Variants in NPSR1 observed in about 807,000 individuals in gnomAD.
NPSR1 encodes neuropeptide S receptor.
In NPSR1, 48 loss-of-function variants were observed where a neutral mutation model predicts 46.9. The observed-to-expected ratio is 1.02, with a 90% CI of 0.81 to 1.30. The LOEUF is 1.30. NPSR1 is among the 50% of genes most tolerant of loss of function. The pLI is 0.00. For synonymous variants in NPSR1, 176 were observed against 168.1 expected (o/e 1.05, Z -0.36); for missense variants, 450 against 449.5 (o/e 1.00, Z -0.01).
intron 3 of NPSR1, among the ~76,000 whole-genome samples, chr7:34,790,670 GT>G (rs888037256): frequency 8.8e-6 from 1 of 113,294 alleles, no homozygotes; most frequent in African/African-American, 3.2e-5. Context: ...ATAAATATAT[GT>G]TATATGTTCT....
intron 5 of NPSR1, 80 bp from the exon 6 acceptor site, chr7:34,834,304 G>A (rs1163768515): frequency 8.1e-6 from 8 of 989,466 alleles, no homozygotes; most frequent in African/African-American, 1.6e-5. Flanking sequence ...TGCACTCGGG[G>A]AGGTGGGAGT....
chr7:34,686,249 TTTTTA>T (rs1355311007), intron 2 of NPSR1: 3 of 152,238 alleles, frequency 2.0e-5, no homozygotes, highest in Admixed American at 1.3e-4. Flanking sequence ...CTGGACAGTG[TTTTTA>T]TTTGTTAATT....
chr7:34,802,586 A>G lies in NPSR1; in HGVS notation c.385-9184A>G, dbSNP rs1317934966. On this transcript the variant is annotated intron_variant, in intron 3 of 8. Transcript: ENST00000360581. ...CAATTCAAGATGGATTAAAGACTAA[A>G]TTGTTAGACCTAAAACCATAAAAAC... Among the ~76,000 whole-genome samples the G allele has an allele frequency of 1.3e-5, 2 of 150,476 alleles. 1 individual carries two copies. The highest frequency in any genetic ancestry group is 5.0e-5 in the African/African-American group (2 of 39,790).
At chr7:34,698,766 T>C (rs1793667660) in intron 2 of NPSR1, among the ~76,000 whole-genome samples, 1 of 152,194 alleles carries the variant, frequency 6.6e-6, no homozygotes, top group Non-Finnish European at 1.5e-5. Flanking sequence ...TTTAGACAAA[T>C]CATATGTTTG....
At chr7:34,661,954 A>G (rs149716409) in intron 1 of NPSR1, among the ~76,000 whole-genome samples, 170 of 152,364 alleles carry the variant, frequency 1.1e-3, no homozygotes, top group Admixed American at 2.3e-3. Flanking sequence ...GTCCAAATGC[A>G]AAACAAATAC....
chr7:34,839,048 C>G (rs1790479198), intron 6 of NPSR1, among the ~76,000 whole-genome samples: 1 of 152,122 alleles, frequency 6.6e-6, no homozygotes, highest in South Asian at 2.1e-4. Flanking sequence ...GGTTAGAGCC[C>G]TATTCACTTT....
intron 5 of NPSR1, 40 bp downstream of exon 5, chr7:34,827,642 G>GGGGA: frequency 1.7e-6 from 1 of 605,470 alleles, no homozygotes. Context: ...GGGGGGTGGG[G>GGGGA]CGGGGGGGGC....
At chr7:34,675,176 T>C (rs1414524155) in intron 1 of NPSR1, among the ~76,000 whole-genome samples, 1 of 152,214 alleles carries the variant, frequency 6.6e-6, no homozygotes, top group East Asian at 1.9e-4. Context: ...AAGTGAGCAA[T>C]ATGTAAGCCT....
At chr7:34,747,392 T>C (rs1392702743) in intron 2 of NPSR1, among the ~76,000 whole-genome samples, 1 of 152,082 alleles carries the variant, frequency 6.6e-6, no homozygotes, top group African/African-American at 2.4e-5. Context: ...CACTTGTGGG[T>C]CTCTGCACCT....
intron 2 of NPSR1, among the ~76,000 whole-genome samples, chr7:34,726,727 A>C (rs775714334): frequency 2.6e-5 from 4 of 152,052 alleles, no homozygotes; most frequent in Non-Finnish European, 5.9e-5. Context: ...TTACATGCAT[A>C]TTACTGATTG....
At chr7:34,688,418 G>A (rs1018117084) in intron 2 of NPSR1, among the ~76,000 whole-genome samples, 3 of 152,186 alleles carry the variant, frequency 2.0e-5, no homozygotes, top group African/African-American at 7.2e-5. Flanking sequence ...TTGCTCATCT[G>A]TTTAGAAGCT....
intron 1 of NPSR1, among the ~76,000 whole-genome samples, chr7:34,658,978 T>A (rs906695914): frequency 1.3e-5 from 2 of 152,224 alleles, no homozygotes; most frequent in African/African-American, 4.8e-5. Context: ...GGACAGTGAC[T>A]GATATGATGA....
rs1790880567 is a variant in NPSR1, at chr7:34,849,757, C to A, written c.*102C>A. ...TGGAACCCGAGCCAACTTCACCCCA[C>A]CCTCGTCATTACCTGGGAGATGCAC... On this transcript the variant is annotated 3_prime_UTR_variant, in exon 9 of 9. Transcript: ENST00000360581. 5 of 1,561,014 alleles carry A rather than the reference C, an allele frequency of 3.2e-6. No individual in the cohort carries two copies. In the African/African-American group the frequency reaches 6.8e-5, roughly 21 times the overall value.
intron 7 of NPSR1, among the ~76,000 whole-genome samples, chr7:34,845,424 C>T (rs1233282530): frequency 6.6e-6 from 1 of 152,206 alleles, no homozygotes; most frequent in East Asian, 1.9e-4. Flanking sequence ...TGTCCTTCCA[C>T]CCTCCTGTCT....
chr7:34,854,384 T>A (rs925454062), downstream of NPSR1, among the ~76,000 whole-genome samples: 1 of 152,122 alleles, frequency 6.6e-6, no homozygotes, highest in East Asian at 1.9e-4. Flanking sequence ...ACTGATTTTT[T>A]AAAAAATAAA....
chr7:34,818,156 T>C (rs1384042468), intron 4 of NPSR1, among the ~76,000 whole-genome samples: 1 of 150,904 alleles, frequency 6.6e-6, no homozygotes, highest in Non-Finnish European at 1.5e-5. Context: ...CATGATTGTA[T>C]ATTTAGAAAA....
At chr7:34,859,513 A>G (rs948745157) in intron 8 of NPSR1, among the ~76,000 whole-genome samples, 1 of 151,678 alleles carries the variant, frequency 6.6e-6, no homozygotes, top group African/African-American at 2.4e-5. Context: ...TTCATCCTCT[A>G]TATAGGGAAC....
intron 2 of NPSR1, among the ~76,000 whole-genome samples, chr7:34,703,176 G>T: frequency 6.6e-6 from 1 of 152,200 alleles, no homozygotes; most frequent in South Asian, 2.1e-4. Context: ...TGGCTAACAC[G>T]GTGAAACCCC....
chr7:34,660,232 C>T, intron 1 of NPSR1: 4 of 456,498 alleles, frequency 8.8e-6, no homozygotes, highest in Non-Finnish European at 4.4e-6. Flanking sequence ...AGCAGAAAGA[C>T]AGGAATTGTG....
Sources: allele counts gnomAD v4.1 joint callset (sites outside exome capture counted in the v4.1 genomes callset), GRCh38; gene constraint gnomAD v4.1.1; transcripts MANE v1.5; gene names NCBI Gene and HGNC (gene_info 2026-07-23, HGNC 2026-07-21).